Variants in NDUFAF6 observed in about 807,000 individuals in gnomAD.
NDUFAF6 encodes the protein NADH dehydrogenase (ubiquinone) complex I, assembly factor 6.
NDUFAF6 carries 45 observed loss-of-function variants against 40.8 expected under a neutral mutation model. That is an observed-to-expected ratio of 1.10 (90% CI 0.87 to 1.42). The LOEUF (loss-of-function observed/expected upper bound fraction) is 1.42, where lower values mean the gene tolerates loss of function less well. NDUFAF6 is among the 40% of genes most tolerant of loss of function. The probability of loss-of-function intolerance (pLI) is 0.00; values close to 1 mark genes in which losing one functional copy is unlikely to be tolerated. For synonymous variants in NDUFAF6, 185 were observed against 155.9 expected, an observed-to-expected ratio of 1.19 and a Z score of -1.39; for missense variants, 435 against 418.5, an observed-to-expected ratio of 1.04 and a Z score of -0.34.
intron 4 of NDUFAF6, among the ~76,000 whole-genome samples, chr8:95,043,086 C>CT (rs113805309): frequency 0.035 from 4,593 of 132,560 alleles, 198 homozygotes; most frequent in African/African-American, 0.095. Context: ...GCAGTGGTTT[C>CT]TTTTTTTTTT....
chr8:94,903,600 A>C (rs572124863), intron 1 of NDUFAF6, among the ~76,000 whole-genome samples: 27 of 152,338 alleles, frequency 1.8e-4, no homozygotes, highest in African/African-American at 6.3e-4. Context: ...AGTAGCCATC[A>C]ATTTCAGGAC....
At position 94,959,543 on chromosome 8, in the gene NDUFAF6, T is replaced by TTG. The variant is rs1329030430; in HGVS notation, c.-199+1365_-199+1366insGT. 2.3e-5 allele frequency among the ~76,000 whole-genome samples: 2 copies of TTG among 86,216 alleles called. 1 individual carries two copies. Among genetic ancestry groups the TTG allele is most frequent in the African/African-American group, 6.2e-5 (2 of 32,230 alleles). 56.6% of individuals were successfully genotyped at this position (86,216 alleles called of 152,430 possible). On this transcript the variant is annotated intron_variant, in intron 1 of 9. Coordinates refer to the NDUFAF6 transcript ENST00000396111. ...TTGTTGCTTTTTGTTTTTTTTGTTT[T>TTG]TTTTTTAGAGACAGTCTTGCTTTGT...
rs574730962 is a variant in NDUFAF6, at chr8:94,938,919, G to A, written c.-935-6564G>A. ...GGGGCTTGAGATTGGCATCAGAAAT[G>A]GGAGGCAGTCTTTTGGGACTAAGCC... On this transcript the variant is annotated intron_variant, in intron 1 of 14. Transcript: ENST00000396113. 2.6e-5 allele frequency among the ~76,000 whole-genome samples: 4 copies of A among 152,336 alleles called. No homozygotes were observed. In the East Asian group the frequency reaches 5.8e-4, roughly 22 times the overall value.
At chr8:95,045,176 G>C (rs1336249799) in intron 4 of NDUFAF6, among the ~76,000 whole-genome samples, 1 of 152,098 alleles carries the variant, frequency 6.6e-6, no homozygotes, top group African/African-American at 2.4e-5. Flanking sequence ...TTATCTCTTG[G>C]AGGGGGGGTT....
At chr8:94,975,193 G>C (rs187261616) in intron 1 of NDUFAF6, 4 of 152,536 alleles carry the variant, frequency 2.6e-5, no homozygotes, top group African/African-American at 7.2e-5. Context: ...CAGAGGGCAG[G>C]TGTGGGTGGG....
intron 1 of NDUFAF6, chr8:94,941,144 C>T: frequency 1.8e-6 from 1 of 559,944 alleles, no homozygotes; most frequent in Non-Finnish European, 3.2e-6. Context: ...CACATATATA[C>T]ATAAGTACAT....
chr8:94,997,443 T>C (rs1208001595), intron 2 of NDUFAF6, among the ~76,000 whole-genome samples: 3 of 152,132 alleles, frequency 2.0e-5, no homozygotes, highest in African/African-American at 4.8e-5. Context: ...CTAGCAGATA[T>C]GCTTAGAACA....
chr8:95,071,905 A>ATCCT (rs1365502099), intron 9 of NDUFAF6: 3 of 152,204 alleles, frequency 2.0e-5, no homozygotes, highest in African/African-American at 7.3e-5. Flanking sequence ...TAGGGCTGAG[A>ATCCT]TCCTATTGGG....
intron 3 of NDUFAF6, among the ~76,000 whole-genome samples, chr8:95,037,054 C>T (rs961529138): frequency 2.0e-5 from 3 of 152,178 alleles, no homozygotes; most frequent in Non-Finnish European, 2.9e-5. Context: ...CCAGAGAGCA[C>T]TTTTCTGCTG....
intron 9 of NDUFAF6, chr8:95,073,063 C>T (rs1832919498): frequency 6.5e-6 from 1 of 152,882 alleles, no homozygotes; most frequent in Non-Finnish European, 1.5e-5. Context: ...GCAGGCGAGT[C>T]GGCGAGGGTG....
intron 2 of NDUFAF6, among the ~76,000 whole-genome samples, chr8:94,948,036 C>T (rs1822168776): frequency 6.6e-6 from 1 of 152,164 alleles, no homozygotes; most frequent in Non-Finnish European, 1.5e-5. Context: ...CATTGTTCCC[C>T]CTTTTCCCAA....
At chr8:94,980,705 C>T (rs945965826) in intron 1 of NDUFAF6, 3 of 98,778 alleles carry the variant, frequency 3.0e-5, no homozygotes, top group Non-Finnish European at 5.6e-5. Flanking sequence ...CATGCCTTGG[C>T]CTCCCGAAGT....
upstream of NDUFAF6, among the ~76,000 whole-genome samples, chr8:95,098,076 G>T (rs1809525784): frequency 6.6e-6 from 1 of 152,158 alleles, no homozygotes; most frequent in Non-Finnish European, 1.5e-5. Flanking sequence ...CTCATGTCTT[G>T]GTGGTGATGT....
intron 1 of NDUFAF6, among the ~76,000 whole-genome samples, chr8:94,936,475 T>C (rs1028671693): frequency 2.6e-5 from 4 of 152,094 alleles, no homozygotes; most frequent in Non-Finnish European, 5.9e-5. Flanking sequence ...ACAGACAGCA[T>C]CTTGTTTGGA....
intron 2 of NDUFAF6, among the ~76,000 whole-genome samples, chr8:95,019,581 C>T (rs937680414): frequency 6.6e-6 from 1 of 152,016 alleles, no homozygotes; most frequent in African/African-American, 2.4e-5. Flanking sequence ...GAAAAAAAAC[C>T]TAAAGAAATG....
chr8:94,977,186 A>G (rs1825031295), intron 1 of NDUFAF6, among the ~76,000 whole-genome samples: 2 of 150,132 alleles, frequency 1.3e-5, no homozygotes, highest in Non-Finnish European at 1.5e-5. Flanking sequence ...ATTTTATGTT[A>G]TGCTTTTCTA....
chr8:94,989,610 G>A (rs182949288), intron 2 of NDUFAF6, among the ~76,000 whole-genome samples: 110 of 152,332 alleles, frequency 7.2e-4, no homozygotes, highest in African/African-American at 2.5e-3. Context: ...GAATGAAAAT[G>A]ATGAGGCACT....
In NDUFAF6 at chr8:94,976,501, C is replaced by CAA. The variant is rs35323204; in HGVS notation, c.-198-4336_-198-4335dup. 1.1e-3 allele frequency among the ~76,000 whole-genome samples: 99 copies of CAA among 91,942 alleles called. 1 individual carries two copies. The highest frequency in any genetic ancestry group is 4.5e-3 in the African/African-American group (95 of 21,126). The allele number at this position is 91,942 out of a possible 152,430, so 60.3% of individuals were successfully genotyped here. On this transcript the variant is annotated intron_variant, in intron 1 of 9. Coordinates refer to the NDUFAF6 transcript ENST00000396111. ...CTGGTGACAGAGCAACACTCCATCT[C>CAA]AAAAAAAAAAAAAAAAAAAAAAATT... is the stretch of plus-strand genomic sequence containing the variant.
At chr8:94,936,575 A>G (rs559213115) in intron 1 of NDUFAF6, among the ~76,000 whole-genome samples, 2 of 152,280 alleles carry the variant, frequency 1.3e-5, no homozygotes, top group South Asian at 4.1e-4. Flanking sequence ...GGAAGCCCCT[A>G]GGTTTGGGTT....
Sources: gnomAD v4.1 joint callset for allele counts (sites outside exome capture counted in the v4.1 genomes callset) on GRCh38, gnomAD v4.1.1 for gene constraint, MANE v1.5 for transcripts, NCBI Gene and HGNC (gene_info 2026-07-23, HGNC 2026-07-21) for gene names.